The following GPC5 variants were observed in gnomAD, a reference collection of about 807,000 sequenced individuals.
GPC5 encodes glypican 5.
GPC5 carries 47 observed loss-of-function variants against 53.9 expected under a neutral mutation model. That is an observed-to-expected ratio of 0.87 (90% CI 0.69 to 1.11). The LOEUF (loss-of-function observed/expected upper bound fraction) is 1.11, where lower values mean the gene tolerates loss of function less well. Ranked by LOEUF, GPC5 falls within the 50% of genes most tolerant of loss-of-function variation. GPC5 has a pLI of 0.00. For synonymous variants in GPC5, 286 were observed against 263.3 expected (o/e 1.09, Z -0.84); for missense variants, 748 against 713.1 (o/e 1.05, Z -0.56).
chr13:91,649,403 C>A (rs954957272), intron 2 of GPC5, among the ~76,000 whole-genome samples: 3 of 152,272 alleles, frequency 2.0e-5, no homozygotes, highest in African/African-American at 2.4e-5. Flanking sequence ...AACTACTACA[C>A]ACGTTTCTTG....
chr13:91,918,573 C>T (rs954201971), intron 6 of GPC5, among the ~76,000 whole-genome samples: 33 of 152,206 alleles, frequency 2.2e-4, no homozygotes, highest in African/African-American at 6.5e-4. Flanking sequence ...TCCTCACCCA[C>T]TAGTAATTTC....
intron 1 of GPC5, among the ~76,000 whole-genome samples, chr13:91,441,134 C>T (rs1378311026): frequency 1.3e-5 from 2 of 151,622 alleles, no homozygotes; most frequent in Non-Finnish European, 3.0e-5. Flanking sequence ...GACTCCTCTT[C>T]AGACTCTCCT....
At chr13:92,074,996 C>T (rs1230981086) in intron 6 of GPC5, among the ~76,000 whole-genome samples, 1 of 152,094 alleles carries the variant, frequency 6.6e-6, no homozygotes, top group African/African-American at 2.4e-5. Flanking sequence ...CTTTGGTTCA[C>T]TTATTTGCGT....
At chr13:91,570,228 T>G (rs1240546139) in intron 2 of GPC5, among the ~76,000 whole-genome samples, 1 of 152,172 alleles carries the variant, frequency 6.6e-6, no homozygotes, top group Non-Finnish European at 1.5e-5. Context: ...GATTATGCAT[T>G]TAAAAATTTT....
At chr13:92,213,101 G>C (rs1174411323) in intron 7 of GPC5, among the ~76,000 whole-genome samples, 1 of 152,166 alleles carries the variant, frequency 6.6e-6, no homozygotes, top group Non-Finnish European at 1.5e-5. Flanking sequence ...AGAAAGGGAG[G>C]AGATTTCTCT....
intron 6 of GPC5, among the ~76,000 whole-genome samples, chr13:91,958,580 C>T (rs2040096052): frequency 6.6e-6 from 1 of 152,024 alleles, no homozygotes; most frequent in South Asian, 2.1e-4. Flanking sequence ...ACTCATTCTT[C>T]TCATTGGCAC....
At chr13:91,568,190 T>C (rs919709946) in intron 2 of GPC5, among the ~76,000 whole-genome samples, 3 of 152,184 alleles carry the variant, frequency 2.0e-5, no homozygotes, top group Non-Finnish European at 4.4e-5. Flanking sequence ...TTTATAGCAC[T>C]GTGAGAATGG....
chr13:92,083,537 ACATTGTGCACATGTAC>A (rs1177252634), intron 6 of GPC5, among the ~76,000 whole-genome samples: 1 of 152,244 alleles, frequency 6.6e-6, no homozygotes, highest in Admixed American at 6.5e-5. Context: ...ACAAACCTGC[ACATTGTGCACATGTAC>A]CTTAGAACTT....
intron 2 of GPC5, among the ~76,000 whole-genome samples, chr13:91,610,855 T>C (rs76655741): frequency 0.044 from 6,715 of 152,254 alleles, 271 homozygotes; most frequent in South Asian, 0.25. Flanking sequence ...AGTAGAGAGT[T>C]TTACATTTGG....
At position 92,000,862 on chromosome 13, in the gene GPC5, C is replaced by G. The variant is rs1398336820; in HGVS notation, c.1401+92805C>G. On this transcript the variant is annotated intron_variant, in intron 6 of 7. Coordinates refer to ENST00000377067, the MANE Select transcript of GPC5 (RefSeq NM_004466.6). ...ATATGTAAGGCTAGGCAATGTTACA[C>G]GCCATGCCATTTCAGAAGGGTTCCA... Among the ~76,000 whole-genome samples, 5 of 152,266 alleles carry G rather than the reference C, an allele frequency of 3.3e-5. No homozygotes were observed. The East Asian group carries it at 7.7e-4, about 24-fold the overall frequency.
chr13:91,833,018 G>T (rs1237251236), intron 5 of GPC5, among the ~76,000 whole-genome samples: 1 of 152,046 alleles, frequency 6.6e-6, no homozygotes, highest in Non-Finnish European at 1.5e-5. Flanking sequence ...AAGAAGAAAA[G>T]AGAGAAGAAT....
chr13:91,988,715 CA>C (rs1211564615), intron 6 of GPC5, among the ~76,000 whole-genome samples: 21 of 152,254 alleles, frequency 1.4e-4, no homozygotes, highest in Non-Finnish European at 1.2e-4. Context: ...AACCTGGACC[CA>C]TAAACAGTAA....
chr13:91,527,650 C>G (rs937039947), intron 2 of GPC5, among the ~76,000 whole-genome samples: 3 of 152,262 alleles, frequency 2.0e-5, no homozygotes, highest in Non-Finnish European at 4.4e-5. Flanking sequence ...TCTCCAACCC[C>G]ACATTTCCCC....
intron 7 of GPC5, among the ~76,000 whole-genome samples, chr13:92,678,019 T>C (rs1887003276): frequency 6.6e-6 from 1 of 152,232 alleles, no homozygotes; most frequent in Non-Finnish European, 1.5e-5. Flanking sequence ...CCCAAGTTAA[T>C]TATAGTATAA....
chr13:92,848,208 G>GA (rs1878673794), intron 7 of GPC5, among the ~76,000 whole-genome samples: 1 of 152,074 alleles, frequency 6.6e-6, no homozygotes, highest in Non-Finnish European at 1.5e-5. Context: ...TTACATTTAT[G>GA]ATTTTATTGA....
chr13:91,962,308 A>G (rs1179018970), intron 6 of GPC5, among the ~76,000 whole-genome samples: 1 of 152,148 alleles, frequency 6.6e-6, no homozygotes, highest in Non-Finnish European at 1.5e-5. Flanking sequence ...ACAGAATTTT[A>G]TTGGAGAAAT....
intron 7 of GPC5, among the ~76,000 whole-genome samples, chr13:92,592,841 G>A (rs1036433331): frequency 3.3e-5 from 5 of 151,378 alleles, no homozygotes; most frequent in South Asian, 4.2e-4. Context: ...CAATACTAGA[G>A]TTGAGTGAGT....
At chr13:91,672,724 A>G (rs1410826320) in intron 2 of GPC5, among the ~76,000 whole-genome samples, 1 of 152,214 alleles carries the variant, frequency 6.6e-6, no homozygotes, top group South Asian at 2.1e-4. Flanking sequence ...TAGCAATCCC[A>G]TTACTGGGTA....
At chr13:91,900,549 T>A in intron 5 of GPC5, among the ~76,000 whole-genome samples, 1 of 152,106 alleles carries the variant, frequency 6.6e-6, no homozygotes, top group Non-Finnish European at 1.5e-5. Flanking sequence ...ATTTGGACAG[T>A]CACTTTGAAT....
Sources: gnomAD v4.1 joint callset for allele counts (sites outside exome capture counted in the v4.1 genomes callset) on GRCh38, gnomAD v4.1.1 for gene constraint, MANE v1.5 for transcripts, NCBI Gene and HGNC (gene_info 2026-07-23, HGNC 2026-07-21) for gene names.